NAALADL2: variants seen among roughly 807,000 people sequenced by gnomAD.
NAALADL2 encodes the protein inactive N-acetylated-alpha-linked acidic dipeptidase-like protein 2.
NAALADL2 carries 76 observed loss-of-function variants against 87.2 expected under a neutral mutation model. The observed-to-expected ratio is 0.87, with a 90% CI of 0.72 to 1.05. The LOEUF is 1.05. NAALADL2 is among the 50% of genes least tolerant of loss of function. The probability of loss-of-function intolerance (pLI) is 0.00; values close to 1 mark genes in which losing one functional copy is unlikely to be tolerated. For synonymous variants in NAALADL2, 354 were observed against 331.0 expected, an observed-to-expected ratio of 1.07 and a Z score of -0.75; for missense variants, 1,089 against 945.8, an observed-to-expected ratio of 1.15 and a Z score of -1.99.
chr3:175,049,386 C>A (rs1018306609), intron 1 of NAALADL2, among the ~76,000 whole-genome samples: 28 of 152,032 alleles, frequency 1.8e-4, no homozygotes, highest in Non-Finnish European at 1.5e-5. Context: ...GTAACTGAAA[C>A]CAGGGAAAGT....
intron 4 of NAALADL2, among the ~76,000 whole-genome samples, chr3:175,303,119 T>C (rs1313356700): frequency 6.6e-6 from 1 of 152,138 alleles, no homozygotes; most frequent in South Asian, 2.1e-4. Flanking sequence ...TGAAAAGACA[T>C]GAGATTTGAA....
At position 175,718,667 on chromosome 3, in the gene NAALADL2, A is replaced by G. The variant is rs113057490; in HGVS notation, c.1897-18639A>G. 0.012 allele frequency: 18,090 copies of G among 1,569,256 alleles called. 1,607 individuals are homozygous for G. The African/African-American group carries it at 0.21, about 18-fold the overall frequency. ...TACTCCCGAGCCCGTGGTGGCTGCC[A>G]TCTTGCGTTTTCTTGTATTTTTATA... is the stretch of plus-strand genomic sequence containing the variant. On this transcript the variant is annotated intron_variant, in intron 11 of 13. Transcript: ENST00000454872.
chr3:174,950,943 T>G (rs961765445), intron 1 of NAALADL2, among the ~76,000 whole-genome samples: 1 of 152,042 alleles, frequency 6.6e-6, no homozygotes, highest in African/African-American at 2.4e-5. Context: ...TCTCTTTTCC[T>G]CTCTACTTGT....
At chr3:174,821,444 T>C (rs1188066036) in intron 3 of NAALADL2, among the ~76,000 whole-genome samples, 1 of 152,204 alleles carries the variant, frequency 6.6e-6, no homozygotes, top group Non-Finnish European at 1.5e-5. Flanking sequence ...ACTTGCTCCC[T>C]TCTTTAACAT....
Position 174,640,583 on chromosome 3 carries a change from G to A in NAALADL2, c.-115+89946G>A, listed in dbSNP as rs984091972. 5.9e-5 allele frequency among the ~76,000 whole-genome samples: 9 copies of A among 152,194 alleles called. No individual in the cohort carries two copies. In the East Asian group the frequency reaches 1.4e-3, roughly 23 times the overall value. On this transcript the variant is annotated intron_variant, in intron 2 of 3. Coordinates refer to the NAALADL2 transcript ENST00000434257. ...GTGGGCCAGCAAGCCAGGCCAAGCCGGTAAGGTACTTGCCCCAGGGCTGCA... is the reference window on the plus strand; with the variant it reads ...GTGGGCCAGCAAGCCAGGCCAAGCCAGTAAGGTACTTGCCCCAGGGCTGCA...
At position 174,970,536 on chromosome 3, in the gene NAALADL2, C is replaced by T. The variant is rs78073835; in HGVS notation, c.43+111086C>T. Among the ~76,000 whole-genome samples the T allele has an allele frequency of 1.3e-3, 198 of 152,194 alleles. 2 individuals are homozygous for T. The highest frequency in any genetic ancestry group is 4.4e-3 in the East Asian group (23 of 5,174). On this transcript the variant is annotated intron_variant, in intron 1 of 13. Transcript: ENST00000454872. ...AGCATTAGTGTAATTTTCAATCATGCTAATAGTTGTGCTATCCTCTATTCA... is the reference window on the plus strand; with the variant it reads ...AGCATTAGTGTAATTTTCAATCATGTTAATAGTTGTGCTATCCTCTATTCA...
At chr3:175,510,034 G>A (rs1018981082) in intron 9 of NAALADL2, among the ~76,000 whole-genome samples, 2 of 143,906 alleles carry the variant, frequency 1.4e-5, no homozygotes, top group African/African-American at 2.6e-5. Context: ...CCAGTGTGAT[G>A]TTCCTCTTCC....
intron 2 of NAALADL2, among the ~76,000 whole-genome samples, chr3:175,209,842 A>G (rs1005074399): frequency 6.6e-6 from 1 of 151,778 alleles, no homozygotes; most frequent in Non-Finnish European, 1.5e-5. Context: ...CTCACTGCTT[A>G]TGTTCCAAAA....
At chr3:175,323,861 CA>C (rs11338011) in intron 4 of NAALADL2, among the ~76,000 whole-genome samples, 97,239 of 149,640 alleles carry the variant, frequency 0.65, 33,779 homozygotes, top group African/African-American at 0.91. Flanking sequence ...ACTAAAAATA[CA>C]AAAAAATTAG....
At chr3:175,068,046 C>T (rs1158375680) in intron 1 of NAALADL2, among the ~76,000 whole-genome samples, 1 of 151,924 alleles carries the variant, frequency 6.6e-6, no homozygotes, top group African/African-American at 2.4e-5. Context: ...TTGCGTACTC[C>T]TGGAAATAAA....
chr3:174,630,406 C>T (rs1470447719), intron 2 of NAALADL2, among the ~76,000 whole-genome samples: 1 of 152,048 alleles, frequency 6.6e-6, no homozygotes, highest in African/African-American at 2.4e-5. Flanking sequence ...TTTAAAAGCT[C>T]ATTTATAAGC....
At chr3:174,699,835 T>C (rs1489999139) in intron 2 of NAALADL2, among the ~76,000 whole-genome samples, 1 of 123,302 alleles carries the variant, frequency 8.1e-6, no homozygotes, top group East Asian at 3.1e-4. Context: ...CATTTTAAGA[T>C]GCTTTTTTTT....
chr3:174,968,539 A>T (rs1743181559), intron 1 of NAALADL2, among the ~76,000 whole-genome samples: 1 of 151,970 alleles, frequency 6.6e-6, no homozygotes, highest in Non-Finnish European at 1.5e-5. Context: ...CAGTGTAGTG[A>T]CATGATCTCA....
chr3:175,748,191 A>G (rs1004160623), intron 12 of NAALADL2, among the ~76,000 whole-genome samples: 12 of 152,208 alleles, frequency 7.9e-5, no homozygotes, highest in African/African-American at 4.8e-5. Context: ...TTGAGTATCA[A>G]TAGCGCAATC....
chr3:175,125,719 C>T (rs184845037), intron 2 of NAALADL2, among the ~76,000 whole-genome samples: 454 of 152,096 alleles, frequency 3.0e-3, no homozygotes, highest in Non-Finnish European at 5.4e-3. Context: ...CGAACAGGTT[C>T]GAGAAGCCTA....
intron 2 of NAALADL2, among the ~76,000 whole-genome samples, chr3:174,721,436 A>G (rs1161864721): frequency 6.6e-6 from 1 of 152,158 alleles, no homozygotes; most frequent in African/African-American, 2.4e-5. Flanking sequence ...ATTGCCAGTG[A>G]GGTGAAGACT....
intron 1 of NAALADL2, among the ~76,000 whole-genome samples, chr3:174,951,281 A>C (rs1014640912): frequency 4.6e-5 from 7 of 152,114 alleles, no homozygotes; most frequent in African/African-American, 1.7e-4. Flanking sequence ...TGTAATTCTC[A>C]GGAGGCAAGA....
intron 2 of NAALADL2, among the ~76,000 whole-genome samples, chr3:174,701,973 A>C (rs1174304325): frequency 1.3e-5 from 2 of 152,124 alleles, no homozygotes; most frequent in South Asian, 4.1e-4. Flanking sequence ...GAATGGCTGG[A>C]TTATTACTTT....
At chr3:175,671,975 A>G (rs1420111521) in intron 11 of NAALADL2, among the ~76,000 whole-genome samples, 1 of 152,096 alleles carries the variant, frequency 6.6e-6, no homozygotes, top group Non-Finnish European at 1.5e-5. Context: ...TTAATTTCTA[A>G]GGCAATATCG....
Sources: gnomAD v4.1 joint callset for allele counts (sites outside exome capture counted in the v4.1 genomes callset) on GRCh38, gnomAD v4.1.1 for gene constraint, MANE v1.5 for transcripts, NCBI Gene and HGNC (gene_info 2026-07-23, HGNC 2026-07-21) for gene names.